Variants in ITGA11 observed in about 807,000 individuals in gnomAD.
ITGA11 encodes integrin alpha-11.
ITGA11 carries 97 observed loss-of-function variants against 141.9 expected under a neutral mutation model. That is an observed-to-expected ratio of 0.68 (90% CI 0.58 to 0.81). ITGA11 has a LOEUF of 0.81. Among genes scored for constraint, ITGA11 ranks in the 30% least tolerant of loss-of-function variants. The pLI is 0.00. For synonymous variants in ITGA11, 658 were observed against 624.6 expected (o/e 1.05, Z -0.80); for missense variants, 1,387 against 1,559.2 (o/e 0.89, Z 1.86).
At chr15:68,316,164 CTCT>C (rs1390002727) in intron 21 of ITGA11, among the ~76,000 whole-genome samples, 1 of 152,200 alleles carries the variant, frequency 6.6e-6, no homozygotes, top group African/African-American at 2.4e-5. Context: ...CCTTGTCCAC[CTCT>C]TCTTTGTGTG....
intron 1 of ITGA11, among the ~76,000 whole-genome samples, chr15:68,409,220 C>A (rs1469370422): frequency 6.6e-6 from 1 of 152,156 alleles, no homozygotes; most frequent in African/African-American, 2.4e-5. Context: ...TCCTCTGGGG[C>A]CTTCAGCGTG....
At chr15:68,369,589 C>G (rs781051641) in intron 2 of ITGA11, among the ~76,000 whole-genome samples, 1 of 152,046 alleles carries the variant, frequency 6.6e-6, no homozygotes, top group Non-Finnish European at 1.5e-5. Flanking sequence ...GAGGAGGGGG[C>G]GATGTTTGAG....
intron 3 of ITGA11, 141 bp from the exon 4 acceptor site, chr15:68,364,939 C>G (rs987542561): frequency 1.1e-6 from 1 of 909,416 alleles, no homozygotes; most frequent in Admixed American, 2.2e-5. Flanking sequence ...TTTACAAAGG[C>G]CTTCCCCAGA....
intron 1 of ITGA11, among the ~76,000 whole-genome samples, chr15:68,406,264 C>T (rs747442112): frequency 1.3e-5 from 2 of 152,086 alleles, no homozygotes; most frequent in African/African-American, 2.4e-5. Flanking sequence ...ATGAGTTTTC[C>T]ACCCCATCAA....
intron 2 of ITGA11, among the ~76,000 whole-genome samples, chr15:68,394,116 AAC>A (rs1378613653): frequency 4.6e-5 from 7 of 152,228 alleles, no homozygotes; most frequent in African/African-American, 1.7e-4. Flanking sequence ...ATCTAGAGGA[AAC>A]ACATAAATTC....
chr15:68,310,428 G>A (rs1489924323), intron 26 of ITGA11, among the ~76,000 whole-genome samples: 1 of 152,164 alleles, frequency 6.6e-6, no homozygotes, highest in Admixed American at 6.5e-5. Context: ...ATTGTTGTCT[G>A]GGGGAAGAAC....
intron 1 of ITGA11, among the ~76,000 whole-genome samples, chr15:68,420,949 T>C (rs1413750412): frequency 2.6e-5 from 4 of 152,182 alleles, no homozygotes; most frequent in Non-Finnish European, 4.4e-5. Context: ...GGTTGAATTT[T>C]AGGTAGGAGC....
intron 2 of ITGA11, among the ~76,000 whole-genome samples, chr15:68,384,000 G>C (rs140432421): frequency 5.3e-4 from 80 of 152,268 alleles, no homozygotes; most frequent in South Asian, 2.1e-3. Context: ...TTGGAAGTTA[G>C]TAACAAGGAG....
Position 68,305,511 on chromosome 15 carries a change from G to A in ITGA11, c.3382-1626C>T, listed in dbSNP as rs1042106350. Among the ~76,000 whole-genome samples, 4 of 152,056 alleles carry A rather than the reference G, an allele frequency of 2.6e-5. No individual in the cohort carries two copies. The highest frequency in any genetic ancestry group is 9.7e-5 in the African/African-American group (4 of 41,310). On this transcript the variant is annotated intron_variant, in intron 28 of 29. Coordinates refer to ENST00000315757, the MANE Select transcript of ITGA11 (RefSeq NM_001004439.2). This position sits in a 1 kb window ranked among gnomAD's most constrained non-coding sequence, Gnocchi z 4.6. ...GTGCCGGGAATGTAGCAGGAGCTCAGCTAACACGTGGAGTGAATGGACCAC... is the reference window on the plus strand; with the variant it reads ...GTGCCGGGAATGTAGCAGGAGCTCAACTAACACGTGGAGTGAATGGACCAC...
intron 1 of ITGA11, among the ~76,000 whole-genome samples, chr15:68,422,267 C>T (rs1335931509): frequency 6.6e-6 from 1 of 152,154 alleles, no homozygotes; most frequent in African/African-American, 2.4e-5. Flanking sequence ...CACCTGCCCA[C>T]GAGCACTGCA....
intron 26 of ITGA11, among the ~76,000 whole-genome samples, chr15:68,309,744 C>T (rs983892027): frequency 4.7e-4 from 71 of 151,988 alleles, no homozygotes; most frequent in Non-Finnish European, 1.5e-4. Flanking sequence ...ACGCCCACCA[C>T]CACACCCGGC....
chr15:68,397,555 TATTATAAA>T (rs1225307476), intron 2 of ITGA11, among the ~76,000 whole-genome samples: 1 of 23,546 alleles, frequency 4.2e-5, no homozygotes, highest in Non-Finnish European at 6.7e-5. Context: ...ATATTTAAAA[TATTATAAA>T]ATATTTAAAA....
At chr15:68,359,225 TTTTA>T (rs368198562) in intron 5 of ITGA11, among the ~76,000 whole-genome samples, 203 of 152,270 alleles carry the variant, frequency 1.3e-3, no homozygotes, top group Non-Finnish European at 2.4e-3. Flanking sequence ...TGGTTTCACT[TTTTA>T]TTTATTTATT....
intron 5 of ITGA11, among the ~76,000 whole-genome samples, chr15:68,359,441 T>A (rs1895173969): frequency 6.6e-6 from 1 of 151,854 alleles, no homozygotes; most frequent in African/African-American, 2.4e-5. Context: ...AGATCAGGAG[T>A]TCGAGACCAG....
intron 1 of ITGA11, among the ~76,000 whole-genome samples, chr15:68,408,460 G>T (rs1896696888): frequency 6.6e-6 from 1 of 152,144 alleles, no homozygotes; most frequent in Non-Finnish European, 1.5e-5. Context: ...GCTACTCATT[G>T]TTGGGTCTAG....
chr15:68,431,056 G>T (rs1415781683), intron 1 of ITGA11, among the ~76,000 whole-genome samples: 2 of 152,376 alleles, frequency 1.3e-5, no homozygotes, highest in African/African-American at 4.8e-5. Context: ...TAACCGAGGC[G>T]CTGGCCCTTG....
In ITGA11 at chr15:68,330,781, G is replaced by C. The variant is rs148548861; in HGVS notation, c.1901+200C>G. On this transcript the variant is annotated intron_variant, in intron 15 of 29. Transcript: ENST00000315757. ...CAAATTCTAAGAGCGGGGGCTTTTG[G>C]ACAGGACTTCAATTTATATTGAATT... 1.6e-4 allele frequency among the ~76,000 whole-genome samples: 25 copies of C among 152,262 alleles called. No individual in the cohort carries two copies. In the South Asian group the frequency reaches 5.2e-3, roughly 32 times the overall value.
At position 68,304,242 on chromosome 15, in the gene ITGA11, G is replaced by T. The variant is rs544295903; in HGVS notation, c.3382-357C>A. Among the ~76,000 whole-genome samples the T allele has an allele frequency of 1.3e-5, 2 of 152,152 alleles. No individual in the cohort carries two copies. The highest frequency in any genetic ancestry group is 2.9e-5 in the Non-Finnish European group (2 of 68,036). On this transcript the variant is annotated intron_variant, in intron 28 of 29. Transcript: ENST00000315757. This position sits in a 1 kb window ranked among gnomAD's most constrained non-coding sequence, Gnocchi z 6.1. ...ACTTCTAAAGGTCAGTGTCTCCCAC[G>T]GTTCAGTCCTTGCACCTCTTCTTTT...
In ITGA11 at chr15:68,357,138, A is replaced by T. The variant is rs1443856280; in HGVS notation, c.749+13T>A. 3.1e-6 allele frequency: 5 copies of T among 1,603,100 alleles called. No homozygotes were observed. The highest frequency in any genetic ancestry group is 1.8e-5 in the Admixed American group (1 of 56,902). ...GATCTAAAAAAATTTTTTTTGTTCTACTTTTTTTTTACCGTGCAAATTCAA... is the reference window on the plus strand; with the variant it reads ...GATCTAAAAAAATTTTTTTTGTTCTTCTTTTTTTTTACCGTGCAAATTCAA... On this transcript the variant is annotated intron_variant, in intron 7 of 29. Transcript: ENST00000315757.
Sources: allele counts gnomAD v4.1 joint callset (sites outside exome capture counted in the v4.1 genomes callset), GRCh38; gene constraint gnomAD v4.1.1; non-coding constraint Gnocchi (gnomAD v3.1); transcripts MANE v1.5; gene names NCBI Gene and HGNC (gene_info 2026-07-23, HGNC 2026-07-21).